FRY: variants seen among roughly 807,000 people sequenced by gnomAD.
FRY encodes the protein FRY microtubule binding protein, also known as protein furry homolog.
Under a neutral mutation model 348.4 loss-of-function variants are expected in FRY, and 128 were observed. That is an observed-to-expected ratio of 0.37 (90% confidence interval 0.32 to 0.43). The LOEUF is 0.43. Ranked by LOEUF, FRY falls within the 20% of genes least tolerant of loss-of-function variation. The pLI, the probability that FRY is intolerant of heterozygous loss-of-function variation, is 1.00. For missense variants in FRY, 2,736 were observed against 3,695.2 expected (o/e 0.74, Z 6.73); for synonymous variants, 1,370 against 1,374.7 (o/e 1.00, Z 0.08).
chr13:32,243,816 G>C (rs918112544), intron 46 of FRY, among the ~76,000 whole-genome samples: 1 of 152,154 alleles, frequency 6.6e-6, no homozygotes, highest in African/African-American at 2.4e-5. Context: ...AATCAAGCCA[G>C]GCATGGTAGC....
intron 40 of FRY, among the ~76,000 whole-genome samples, 188 bp from the exon 41 acceptor site, chr13:32,230,991 T>G (rs889494179): frequency 1.3e-5 from 2 of 152,234 alleles, no homozygotes; most frequent in African/African-American, 4.8e-5. Flanking sequence ...CTTTGCCCAC[T>G]TTTTAATGGG....
intron 14 of FRY, among the ~76,000 whole-genome samples, chr13:32,153,212 G>C (rs1467172965): frequency 6.6e-6 from 1 of 151,910 alleles, no homozygotes; most frequent in Non-Finnish European, 1.5e-5. Flanking sequence ...TTTTCCTAGA[G>C]AAATCAAAAC....
chr13:32,257,249 C>CAT (rs1887389907), intron 51 of FRY, among the ~76,000 whole-genome samples: 1 of 152,102 alleles, frequency 6.6e-6, no homozygotes, highest in Admixed American at 6.5e-5. Context: ...AAGTGTCAGG[C>CAT]ATATAGTTGG....
rs1242789866 is a variant in FRY, at chr13:32,037,043, CACACACACACACACAA to C, written c.70+5191_70+5206del. Among the ~76,000 whole-genome samples, 88 of 102,558 alleles carry C rather than the reference CACACACACACACACAA, an allele frequency of 8.6e-4. 1 individual carries two copies. The highest frequency in any genetic ancestry group is 2.6e-3 in the African/African-American group (78 of 30,218). 67.3% of individuals were successfully genotyped at this position (102,558 alleles called of 152,430 possible). On this transcript the variant is annotated intron_variant, in intron 1 of 60. Coordinates refer to ENST00000542859, the MANE Select transcript of FRY (RefSeq NM_023037.3). ...TCTCTGTTTTACACACACACACACA[CACACACACACACACAA>C]ACACACACACACGTGCTGGAGAGCA...
chr13:32,122,438 C>A (rs1388196324), intron 4 of FRY, among the ~76,000 whole-genome samples: 1 of 149,658 alleles, frequency 6.7e-6, no homozygotes, highest in Non-Finnish European at 1.5e-5. Context: ...TGAGACTCCG[C>A]CTCAGAAAAA....
At chr13:32,161,986 A>C (rs1413422656) in intron 17 of FRY, among the ~76,000 whole-genome samples, 5 of 152,236 alleles carry the variant, frequency 3.3e-5, no homozygotes, top group Non-Finnish European at 7.3e-5. Flanking sequence ...ACCTAACTGC[A>C]ATTTGGAAAG....
intron 28 of FRY, among the ~76,000 whole-genome samples, chr13:32,191,394 G>A (rs1883326320): frequency 6.6e-6 from 1 of 152,218 alleles, no homozygotes; most frequent in South Asian, 2.1e-4. Context: ...AGTCAGCAGA[G>A]GGTTCTTATC....
chr13:32,157,750 A>G (rs534956707), intron 16 of FRY, among the ~76,000 whole-genome samples: 1 of 152,314 alleles, frequency 6.6e-6, no homozygotes, highest in South Asian at 2.1e-4. Flanking sequence ...TTCCATCTTT[A>G]TACATCTCGT....
intron 29 of FRY, among the ~76,000 whole-genome samples, chr13:32,199,087 G>A (rs1216620851): frequency 6.6e-6 from 1 of 152,210 alleles, no homozygotes; most frequent in African/African-American, 2.4e-5. Flanking sequence ...TTATTAGGGT[G>A]GGCCCTTGGG....
chr13:32,240,639 A>G (rs1041738740), intron 46 of FRY, among the ~76,000 whole-genome samples: 2 of 152,198 alleles, frequency 1.3e-5, no homozygotes, highest in African/African-American at 4.8e-5. Context: ...TCCGTTTAGC[A>G]TCTTCAGTCT....
At chr13:32,252,310 A>G (rs534598599) in intron 50 of FRY, among the ~76,000 whole-genome samples, 33 of 152,286 alleles carry the variant, frequency 2.2e-4, no homozygotes, top group South Asian at 6.2e-4. Context: ...TCTCTTGGAT[A>G]TAATTTTACT....
chr13:32,238,350 CT>C (rs1886324927), intron 44 of FRY, among the ~76,000 whole-genome samples: 2 of 151,704 alleles, frequency 1.3e-5, no homozygotes, highest in South Asian at 2.1e-4. Context: ...TGCTTTTCTG[CT>C]TTTTGTTCTT....
chr13:32,081,216 A>G (rs1875468642), intron 2 of FRY, among the ~76,000 whole-genome samples: 1 of 152,220 alleles, frequency 6.6e-6, no homozygotes, highest in Admixed American at 6.5e-5. Context: ...TCTTGTCATA[A>G]GGAAATCTTC....
At chr13:32,080,057 G>T (rs204568) in intron 2 of FRY, among the ~76,000 whole-genome samples, 70,973 of 152,098 alleles carry the variant, frequency 0.47, 19,251 homozygotes, top group Non-Finnish European at 0.59. Flanking sequence ...CAGAATTCAA[G>T]AATGTTTGTT....
chr13:32,275,772 G>C lies in FRY; in HGVS notation c.8287-692G>C, dbSNP rs1888505451. Among the ~76,000 whole-genome samples the C allele has an allele frequency of 2.0e-5, 3 of 152,196 alleles. 1 individual carries two copies. In the South Asian group the frequency reaches 6.2e-4, roughly 31 times the overall value. On this transcript the variant is annotated intron_variant, in intron 56 of 60. Transcript: ENST00000542859. ...CTCAAACTGCAAATGATGAGTTTAA[G>C]GGATAATCAAAACAGTCTCTGGCTG...
chr13:32,149,717 C>T (rs752321075), intron 13 of FRY, 31 bp from the exon 14 acceptor site: 17 of 1,297,490 alleles, frequency 1.3e-5, no homozygotes, highest in Non-Finnish European at 1.7e-5. Context: ...TATTTTAACA[C>T]TTTCATTTTG....
At chr13:32,263,598 A>G (rs1887780224) in intron 53 of FRY, among the ~76,000 whole-genome samples, 1 of 152,226 alleles carries the variant, frequency 6.6e-6, no homozygotes. Context: ...TATGAAATTA[A>G]ATTTCATAGA....
At chr13:32,211,638 C>G (rs964408231) in intron 34 of FRY, among the ~76,000 whole-genome samples, 4 of 152,170 alleles carry the variant, frequency 2.6e-5, no homozygotes, top group Non-Finnish European at 4.4e-5. Flanking sequence ...CTTCTTGTAT[C>G]TGGACCCTCC....
chr13:32,101,575 C>T (rs1052653042), intron 2 of FRY, among the ~76,000 whole-genome samples: 1 of 152,222 alleles, frequency 6.6e-6, no homozygotes, highest in Non-Finnish European at 1.5e-5. Context: ...CACTAATTTA[C>T]ATTCCCACTA....
Sources: gnomAD v4.1 joint callset for allele counts (sites outside exome capture counted in the v4.1 genomes callset) on GRCh38, gnomAD v4.1.1 for gene constraint, MANE v1.5 for transcripts, NCBI Gene and HGNC (gene_info 2026-07-23, HGNC 2026-07-21) for gene names.